Variants in CCDC50 observed in about 807,000 individuals in gnomAD.
CCDC50 encodes the protein coiled-coil domain-containing protein 50.
In CCDC50, 54 loss-of-function variants were observed where a neutral mutation model predicts 70.2. The observed-to-expected ratio is 0.77, with a 90% CI of 0.62 to 0.96. CCDC50 has a LOEUF of 0.96. Among genes scored for constraint, CCDC50 ranks in the 50% least tolerant of loss-of-function variants. The pLI is 0.00. For synonymous variants in CCDC50, 216 were observed against 198.8 expected, an observed-to-expected ratio of 1.09 and a Z score of -0.73; for missense variants, 558 against 578.7, an observed-to-expected ratio of 0.96 and a Z score of 0.37.
chr3:191,389,350 A>G (rs1208744680), intron 10 of CCDC50, 146 bp from the exon 11 acceptor site: 1 of 758,028 alleles, frequency 1.3e-6, no homozygotes, highest in Non-Finnish European at 2.4e-6. Flanking sequence ...AGGCCATGCA[A>G]CTGTCCAGGA....
In CCDC50 at chr3:191,375,087, G is replaced by A. The variant is rs772166571; in HGVS notation, c.474G>A (p.Arg158=). The A allele has an allele frequency of 2.5e-6, 4 of 1,613,482 alleles. No homozygotes were observed. The highest frequency in any genetic ancestry group is 3.3e-5 in the Admixed American group (2 of 59,958). ...ACCAACCAGGGTCAAGGAGGGCCAG[G>A]GAATTGGGTTCTGGATTCTCAAGAC... ...DGDQPGSRRA[R]ELGSGFSRPC... The change falls in exon 6 of 12, where the codon AGG becomes AGA. Residue 158 remains arginine (R), a synonymous_variant. Coordinates refer to ENST00000392455, the MANE Select transcript of CCDC50 (RefSeq NM_178335.3).
Position 191,375,209 on chromosome 3 carries a change from C to A in CCDC50, c.596C>A (p.Ser199Ter), listed in dbSNP as rs1713054257. The change falls in exon 6 of 12, where the codon TCA becomes TAA. Residue 199 changes from serine (S) to a stop codon, truncating the protein, a stop_gained. Coordinates refer to ENST00000392455, the MANE Select transcript of CCDC50 (RefSeq NM_178335.3). LOFTEE classifies it high-confidence loss of function. ...ENLEEPEQHCSSKRSLSSSSS... is the reference protein window; with the variant it reads ...ENLEEPEQHC Reference sequence around the variant, plus strand: ...TTGGAAGAGCCAGAACAACATTGTTCATCGAAGAGATCCCTGTCATCCTCT... The same window carrying A: ...TTGGAAGAGCCAGAACAACATTGTTAATCGAAGAGATCCCTGTCATCCTCT... 2 of 1,613,624 alleles carry A rather than the reference C, an allele frequency of 1.2e-6. No homozygotes were observed. Among genetic ancestry groups the A allele is most frequent in the South Asian group, 2.2e-5 (2 of 91,052 alleles).
intron 10 of CCDC50, among the ~76,000 whole-genome samples, chr3:191,384,006 T>C (rs1387293852): frequency 6.6e-6 from 1 of 152,182 alleles, no homozygotes; most frequent in Non-Finnish European, 1.5e-5. Context: ...CTTCAGATCC[T>C]TGGCCTCTTT....
At chr3:191,350,485 G>T (rs1352334268) in intron 1 of CCDC50, among the ~76,000 whole-genome samples, 1 of 142,262 alleles carries the variant, frequency 7.0e-6, no homozygotes, top group East Asian at 1.9e-4. Flanking sequence ...GCATTTTTAT[G>T]TGGATGGAAG....
In CCDC50 at chr3:191,394,536, G is replaced by T. The variant is rs372644308; in HGVS notation, c.*2776G>T. 1 of 152,132 alleles carries T rather than the reference G, an allele frequency of 6.6e-6. No individual in the cohort carries two copies. The allele number at this position is 152,132 out of a possible 1,614,324, so 9.4% of individuals were successfully genotyped here. ...GCAGTTTAATTTTTAGGCCCACAGT[G>T]TATTATGCTTTAATGTTGTGATGTA... On this transcript the variant is annotated 3_prime_UTR_variant, in exon 12 of 12. Transcript: ENST00000392455.
chr3:191,371,646 C>T (rs934957478), intron 5 of CCDC50, among the ~76,000 whole-genome samples: 6 of 152,164 alleles, frequency 3.9e-5, no homozygotes, highest in African/African-American at 1.4e-4. Context: ...TGCCCAGTAA[C>T]ATTTTTTGCT....
chr3:191,354,391 C>CT (rs1414762713), intron 1 of CCDC50, among the ~76,000 whole-genome samples: 1 of 151,954 alleles, frequency 6.6e-6, no homozygotes, highest in African/African-American at 2.4e-5. Context: ...TATCTACAAA[C>CT]TATATTTTAA....
At chr3:191,384,454 TTAGC>T (rs35382911) in intron 10 of CCDC50, among the ~76,000 whole-genome samples, 1 of 151,496 alleles carries the variant, frequency 6.6e-6, no homozygotes, top group Admixed American at 6.6e-5. Context: ...ATGGAAAAGT[TTAGC>T]TATACAGAAA....
chr3:191,388,828 A>G (rs1379825647), intron 10 of CCDC50, among the ~76,000 whole-genome samples: 1 of 152,174 alleles, frequency 6.6e-6, no homozygotes, highest in African/African-American at 2.4e-5. Flanking sequence ...TTTGGGAGAT[A>G]AAGAATGAGA....
intron 9 of CCDC50, among the ~76,000 whole-genome samples, chr3:191,382,246 T>C (rs1015005651): frequency 6.6e-6 from 1 of 152,196 alleles, no homozygotes; most frequent in Non-Finnish European, 1.5e-5. Context: ...TAACTGGTAC[T>C]GATACAGTTC....
intron 1 of CCDC50, among the ~76,000 whole-genome samples, chr3:191,352,219 T>A (rs1712128782): frequency 7.0e-6 from 1 of 142,500 alleles, no homozygotes; most frequent in African/African-American, 2.5e-5. Flanking sequence ...TGGAGATGAC[T>A]CATTCATCCT....
chr3:191,349,985 T>G (rs1251993158), intron 1 of CCDC50, among the ~76,000 whole-genome samples: 1 of 119,250 alleles, frequency 8.4e-6, no homozygotes, highest in Middle Eastern at 3.8e-3. Context: ...CTCCCTTTTT[T>G]TTTCCTGATA....
chr3:191,329,862 AG>A, intron 1 of CCDC50, 139 bp downstream of exon 1: 1 of 702,174 alleles, frequency 1.4e-6, no homozygotes, highest in Non-Finnish European at 2.2e-6. Flanking sequence ...CGGACGTGAA[AG>A]GAATTGAATT....
chr3:191,381,320 T>C (rs1291261841), intron 9 of CCDC50, among the ~76,000 whole-genome samples: 4 of 152,158 alleles, frequency 2.6e-5, no homozygotes, highest in South Asian at 2.1e-4. Flanking sequence ...TTACATTATC[T>C]TTCATCTCTA....
intron 4 of CCDC50, 54 bp downstream of exon 4, chr3:191,361,213 A>G: frequency 7.4e-7 from 1 of 1,356,336 alleles, no homozygotes; most frequent in South Asian, 1.2e-5. Flanking sequence ...GCTCAGCTTT[A>G]GAGCAAAAAC....
intron 5 of CCDC50, among the ~76,000 whole-genome samples, chr3:191,373,519 T>G (rs1433026094): frequency 2.6e-5 from 4 of 152,138 alleles, no homozygotes; most frequent in Non-Finnish European, 5.9e-5. Flanking sequence ...GTGAGCACAT[T>G]TTTATTAACA....
intron 10 of CCDC50, among the ~76,000 whole-genome samples, chr3:191,383,967 T>A (rs1407071470): frequency 2.0e-5 from 3 of 152,180 alleles, no homozygotes; most frequent in Non-Finnish European, 4.4e-5. Context: ...CAAATGAATT[T>A]AAATCATCTT....
At chr3:191,390,404 G>GGTTCTTGGATCTTGTGT (rs1713650754) in intron 11 of CCDC50, among the ~76,000 whole-genome samples, 1 of 5,808 alleles carries the variant, frequency 1.7e-4, no homozygotes, top group Non-Finnish European at 5.9e-4. Context: ...ACTCCAAGAA[G>GGTTCTTGGATCTTGTGT]AAGGTTCGAA....
At chr3:191,336,317 C>T (rs1388229285) in intron 1 of CCDC50, among the ~76,000 whole-genome samples, 1 of 152,098 alleles carries the variant, frequency 6.6e-6, no homozygotes, top group Non-Finnish European at 1.5e-5. Context: ...TCCTTGCTGG[C>T]ATTTGATATT....
Sources: gnomAD v4.1 joint callset for allele counts (sites outside exome capture counted in the v4.1 genomes callset) on GRCh38, gnomAD v4.1.1 for gene constraint, MANE v1.5 for transcripts, NCBI Gene and HGNC (gene_info 2026-07-23, HGNC 2026-07-21) for gene names.